ENTPD4: variants seen among roughly 807,000 people sequenced by gnomAD.
ENTPD4 encodes the protein ectonucleoside triphosphate diphosphohydrolase 4, also known as Golgi UDPase.
Under a neutral mutation model 79.1 loss-of-function variants are expected in ENTPD4, and 60 were observed. The ratio of observed to expected loss-of-function variants is 0.76; its 90% CI spans 0.62 to 0.94. The LOEUF is 0.94. Among genes scored for constraint, ENTPD4 ranks in the 40% least tolerant of loss-of-function variants. The probability of loss-of-function intolerance (pLI) is 0.00; values close to 1 mark genes in which losing one functional copy is unlikely to be tolerated. For missense variants in ENTPD4, 772 were observed against 775.1 expected, an observed-to-expected ratio of 1.00 and a Z score of 0.05; for synonymous variants, 276 against 292.0, an observed-to-expected ratio of 0.95 and a Z score of 0.56.
At chr8:23,453,437 T>G (rs1800899560) in intron 1 of ENTPD4, among the ~76,000 whole-genome samples, 1 of 152,236 alleles carries the variant, frequency 6.6e-6, no homozygotes, top group Admixed American at 6.5e-5. Context: ...ACTTGTAAAG[T>G]GCATGACAAA....
chr8:23,432,959 G>A lies in ENTPD4; in HGVS notation c.1818C>T (p.Gly606=), dbSNP rs893870045. The A allele has an allele frequency of 6.2e-7, 1 of 1,611,516 alleles. No homozygotes were observed. The highest frequency in any genetic ancestry group is 8.5e-7 in the Non-Finnish European group (1 of 1,178,808). ...TCCCCGGGGCATTCTGGGCGGGAAG[G>A]CCCTCCTCCATCCAGAGGGCGGCGG... is the stretch of plus-strand genomic sequence containing the variant. The part of the protein sequence containing the change: ...SSAAALWMEE[G]LPAQNAPGTL Residue 606 remains glycine, a synonymous_variant, in exon 13 of 13, where the codon GGC becomes GGT. Transcript: ENST00000358689.
At chr8:23,456,561 G>A (rs1488527602) in intron 1 of ENTPD4, among the ~76,000 whole-genome samples, 2 of 152,200 alleles carry the variant, frequency 1.3e-5, no homozygotes, top group African/African-American at 4.8e-5. Context: ...ATTAGAGGTA[G>A]AAGAATATAA....
chr8:23,433,689 A>G (rs1800502981), intron 12 of ENTPD4, among the ~76,000 whole-genome samples: 1 of 152,234 alleles, frequency 6.6e-6, no homozygotes, highest in Non-Finnish European at 1.5e-5. Context: ...TTCTTTGACC[A>G]TGAATGCAGA....
At chr8:23,434,590 T>C in intron 11 of ENTPD4, 112 bp from the exon 12 acceptor site, 2 of 1,517,498 alleles carry the variant, frequency 1.3e-6, no homozygotes, top group Admixed American at 2.1e-5. Context: ...GGCAGGGGCT[T>C]CCTCAGGCCG....
rs1800674913 is a variant in ENTPD4, at chr8:23,441,725, T to C, written c.728-2A>G. On this transcript the variant is annotated splice_acceptor_variant, in intron 7 of 12. Coordinates refer to ENST00000358689, the MANE Select transcript of ENTPD4 (RefSeq NM_004901.5). LOFTEE classifies it high-confidence loss of function. The stretch of plus-strand genomic sequence containing the variant: ...TAACTTCCACAACGGCCTCATCATC[T>C]AGAAAGAACAGAAAGTGTTCACTGG... 6.2e-7 allele frequency: 1 copy of C among 1,613,612 alleles called. No individual in the cohort carries two copies. Among genetic ancestry groups the C allele is most frequent in the Admixed American group, 1.7e-5 (1 of 59,988 alleles).
Position 23,430,876 on chromosome 8 carries a change from G to A in ENTPD4, c.*2050C>T. On this transcript the variant is annotated 3_prime_UTR_variant, in exon 13 of 13. Coordinates refer to ENST00000358689, the MANE Select transcript of ENTPD4 (RefSeq NM_004901.5). ...CATGGCTCCTCCAGGAAGTGTCGCA[G>A]GCAGGTGGCCAAGACCAACTTATTA... is the stretch of plus-strand genomic sequence containing the variant. The A allele has an allele frequency of 3.0e-6, 3 of 985,562 alleles. No individual in the cohort carries two copies. The highest frequency in any genetic ancestry group is 3.6e-6 in the Non-Finnish European group (3 of 830,050). 61.1% of individuals were successfully genotyped at this position (985,562 alleles called of 1,614,324 possible).
rs1346541603 is a variant in ENTPD4, at chr8:23,431,199, A to G, written c.*1727T>C. 1 of 401,986 alleles carries G rather than the reference A, an allele frequency of 2.5e-6. No homozygotes were observed. Among genetic ancestry groups the G allele is most frequent in the Non-Finnish European group, 3.4e-6 (1 of 297,434 alleles). 24.9% of individuals were successfully genotyped at this position (401,986 alleles called of 1,614,324 possible). ...CCTAATGCTCAGTTCATGGCAATAC[A>G]GGCCTTTTCTCTCCTGTTTCTCCAA... On this transcript the variant is annotated 3_prime_UTR_variant, in exon 13 of 13. Coordinates refer to ENST00000358689, the MANE Select transcript of ENTPD4 (RefSeq NM_004901.5).
intron 11 of ENTPD4, 133 bp downstream of exon 11, chr8:23,435,259 A>AG: frequency 1.6e-6 from 1 of 633,678 alleles, no homozygotes. Flanking sequence ...CCCGTTTGAA[A>AG]GGGGCCCAGG....
rs1800431101 is a variant in ENTPD4, at chr8:23,430,222, T to C, written c.*2704A>G. 1 of 985,368 alleles carries C rather than the reference T, an allele frequency of 1.0e-6. No homozygotes were observed. Among genetic ancestry groups the C allele is most frequent in the South Asian group, 4.7e-5 (1 of 21,292 alleles). 61.0% of individuals were successfully genotyped at this position (985,368 alleles called of 1,614,324 possible). Reference sequence around the variant, plus strand: ...TCTCTGGAATGTGATTTGCTGCGACTGCAGACATCTCCATACGGCATAATG... The same window carrying C: ...TCTCTGGAATGTGATTTGCTGCGACCGCAGACATCTCCATACGGCATAATG... On this transcript the variant is annotated 3_prime_UTR_variant, in exon 13 of 13. Coordinates refer to ENST00000358689, the MANE Select transcript of ENTPD4 (RefSeq NM_004901.5).
intron 4 of ENTPD4, among the ~76,000 whole-genome samples, chr8:23,446,620 G>A (rs965856820): frequency 2.6e-5 from 4 of 152,168 alleles, no homozygotes; most frequent in South Asian, 2.1e-4. Flanking sequence ...TAGATTTTCT[G>A]AGTAATATGC....
At position 23,430,132 on chromosome 8, in the gene ENTPD4, T is replaced by A. The variant is rs1233934225; in HGVS notation, c.*2794A>T. On this transcript the variant is annotated 3_prime_UTR_variant, in exon 13 of 13. Coordinates refer to ENST00000358689, the MANE Select transcript of ENTPD4 (RefSeq NM_004901.5). ...CTCTTGAATTAAGATCCTCCCTGGC[T>A]TGTCTCTCACCCACCCTGTATCTCT... 6.1e-6 allele frequency: 6 copies of A among 985,318 alleles called. No homozygotes were observed. The highest frequency in any genetic ancestry group is 6.0e-6 in the Non-Finnish European group (5 of 829,948). The allele number at this position is 985,318 out of a possible 1,614,324, so 61.0% of individuals were successfully genotyped here.
intron 4 of ENTPD4, among the ~76,000 whole-genome samples, chr8:23,447,199 T>C (rs1800777663): frequency 6.6e-6 from 1 of 152,228 alleles, no homozygotes; most frequent in African/African-American, 2.4e-5. Context: ...TTAAAAACTA[T>C]ACATAATTAT....
At chr8:23,436,496 T>A (rs1317693104) in intron 10 of ENTPD4, among the ~76,000 whole-genome samples, 2 of 152,030 alleles carry the variant, frequency 1.3e-5, no homozygotes, top group African/African-American at 4.8e-5. Flanking sequence ...AAACCCTGAA[T>A]ATGGATGAGA....
chr8:23,429,250 A>G lies in ENTPD4; in HGVS notation c.*3676T>C. The G allele has an allele frequency of 1.1e-5, 11 of 985,470 alleles. No homozygotes were observed. The highest frequency in any genetic ancestry group is 1.7e-5 in the African/African-American group (1 of 57,376). The allele number at this position is 985,470 out of a possible 1,614,324, so 61.0% of individuals were successfully genotyped here. ...ACATACAGCAAGTGACATGACACCAAAAGGACCTTCCGAGAGTATTATTCT... is the reference window on the plus strand; with the variant it reads ...ACATACAGCAAGTGACATGACACCAGAAGGACCTTCCGAGAGTATTATTCT... On this transcript the variant is annotated 3_prime_UTR_variant, in exon 13 of 13. Transcript: ENST00000358689.
In ENTPD4 at chr8:23,432,880, C is replaced by CA. The variant is rs1467415132; in HGVS notation, c.*45dup. On this transcript the variant is annotated 3_prime_UTR_variant, in exon 13 of 13. Transcript: ENST00000358689. ...AAAATAAAGAGGAGAAACCCTGAGG[C>CA]AAAAATGGCTTTTCCTTTTGAGTCT... 2 of 1,500,836 alleles carry CA rather than the reference C, an allele frequency of 1.3e-6. No homozygotes were observed. The highest frequency in any genetic ancestry group is 2.4e-5 in the Admixed American group (1 of 42,228). The allele number at this position is 1,500,836 out of a possible 1,614,324, so 93.0% of individuals were successfully genotyped here.
At position 23,430,953 on chromosome 8, in the gene ENTPD4, T is replaced by TA. The variant is rs1800444075; in HGVS notation, c.*1972dup. The stretch of plus-strand genomic sequence containing the variant: ...AACAACTTTGACCACGAAGCGCAAA[T>TA]ACGATGCAGGTAAATCCAGAGGCAG... On this transcript the variant is annotated 3_prime_UTR_variant, in exon 13 of 13. Transcript: ENST00000358689. 3.0e-6 allele frequency: 3 copies of TA among 985,308 alleles called. No individual in the cohort carries two copies. In the South Asian group the frequency reaches 1.4e-4, roughly 46 times the overall value. 61.0% of individuals were successfully genotyped at this position (985,308 alleles called of 1,614,324 possible).
Position 23,444,435 on chromosome 8 carries a change from T to G in ENTPD4, c.563+21A>C. 3 of 1,610,568 alleles carry G rather than the reference T, an allele frequency of 1.9e-6. No homozygotes were observed. In the South Asian group the frequency reaches 3.3e-5, roughly 18 times the overall value. On this transcript the variant is annotated intron_variant, in intron 5 of 12. Coordinates refer to ENST00000358689, the MANE Select transcript of ENTPD4 (RefSeq NM_004901.5). ...CCCTCCAGGAACCCACCCTCACCCT[T>G]GCCCTTCTGTGGAGGATCACCTTTC...
intron 11 of ENTPD4, 90 bp from the exon 12 acceptor site, chr8:23,434,568 G>A: frequency 6.4e-7 from 1 of 1,554,450 alleles, no homozygotes; most frequent in Admixed American, 1.8e-5. Context: ...TTCCCTCTGT[G>A]GGCAGCCTTG....
chr8:23,441,427 G>A, intron 8 of ENTPD4, 142 bp downstream of exon 8: 2 of 1,471,348 alleles, frequency 1.4e-6, no homozygotes, highest in Non-Finnish European at 1.8e-6. Flanking sequence ...TGTTCGTCCT[G>A]TCTCCTTTCT....
Sources: allele counts gnomAD v4.1 joint callset (sites outside exome capture counted in the v4.1 genomes callset), GRCh38; gene constraint gnomAD v4.1.1; transcripts MANE v1.5; gene names NCBI Gene and HGNC (gene_info 2026-07-23, HGNC 2026-07-21).